TBL1XR1: variants seen among roughly 807,000 people sequenced by gnomAD.
TBL1XR1 encodes F-box-like/WD repeat-containing protein TBL1XR1.
TBL1XR1 carries 5 observed loss-of-function variants against 66.9 expected under a neutral mutation model. The observed-to-expected ratio is 0.07, with a 90% CI of 0.04 to 0.16. The LOEUF (loss-of-function observed/expected upper bound fraction) is 0.16. Among genes scored for constraint, TBL1XR1 ranks in the 10% least tolerant of loss-of-function variants. The pLI, the probability that TBL1XR1 is intolerant of heterozygous loss-of-function variation, is 1.00. For synonymous variants in TBL1XR1, 210 were observed against 206.0 expected (o/e 1.02, Z -0.17); for missense variants, 238 against 623.2 (o/e 0.38, Z 6.58).
At chr3:177,107,844 C>T (rs1056459297) in intron 1 of TBL1XR1, among the ~76,000 whole-genome samples, 1 of 152,200 alleles carries the variant, frequency 6.6e-6, no homozygotes, top group Non-Finnish European at 1.5e-5. Context: ...CATCTTACTT[C>T]TCAGTCATTG....
chr3:177,034,605 G>A (rs1714505314), intron 12 of TBL1XR1, among the ~76,000 whole-genome samples: 1 of 151,924 alleles, frequency 6.6e-6, no homozygotes, highest in South Asian at 2.1e-4. Context: ...ATTAGTTAAC[G>A]ATCCTAAAAT....
In TBL1XR1 at chr3:177,038,130, A is replaced by G. The variant is rs2108436409; in HGVS notation, c.1090T>C (p.Leu364=). The change falls in exon 12 of 16, where the codon TTG becomes CTG. Residue 364 remains leucine, a synonymous_variant. Transcript: ENST00000457928. ...AIKWDPTGNL[L]ASCSDDMTLK... is the part of the protein sequence containing the mutation. ...GTCATGTCGTCAGAACAGGAGGCCA[A>G]GAGATTGCCAGTTGGGTCCCATTTG... 11 of 1,612,670 alleles carry G rather than the reference A, an allele frequency of 6.8e-6. No homozygotes were observed. In the Admixed American group the frequency reaches 1.0e-4, roughly 15 times the overall value.
Position 177,098,479 on chromosome 3 carries a change from T to G in TBL1XR1, c.-59A>C. On this transcript the variant is annotated 5_prime_UTR_variant, in exon 2 of 16. An upstream start codon of the reference 5' UTR is lost. Coordinates refer to ENST00000457928, the MANE Select transcript of TBL1XR1 (RefSeq NM_024665.7). ...GGAGAGTCTTACCATTGGCAGTGCA[T>G]TGATGTGGGGATGTGCAACTGAATA... is the stretch of plus-strand genomic sequence containing the variant. 1 of 985,834 alleles carries G rather than the reference T, an allele frequency of 1.0e-6. No individual in the cohort carries two copies. The highest frequency in any genetic ancestry group is 1.2e-6 in the Non-Finnish European group (1 of 829,904). The allele number at this position is 985,834 out of a possible 1,614,324, so 61.1% of individuals were successfully genotyped here. A position where few individuals can be genotyped will look rare whatever the true frequency, so the allele number is the denominator to read the frequency against.
rs147359521 is a variant in TBL1XR1 at position 177,150,562 on chromosome 3, C to G, written c.-122+46559G>C. Among the ~76,000 whole-genome samples, 1,390 of 152,338 alleles carry G rather than the reference C, an allele frequency of 9.1e-3. 27 individuals carry two copies. Among genetic ancestry groups the G allele is most frequent in the Non-Finnish European group, 0.01 (700 of 68,032 alleles). On this transcript the variant is annotated intron_variant, in intron 1 of 15. Coordinates refer to ENST00000457928, the MANE Select transcript of TBL1XR1 (RefSeq NM_024665.7). ...AGGAAAACAAAACAAAATACGATGT[C>G]TCTTTGAAGTCCTCAGATTCAGGTA...
chr3:177,095,498 T>A (rs1042103115), intron 2 of TBL1XR1, among the ~76,000 whole-genome samples: 2 of 151,878 alleles, frequency 1.3e-5, no homozygotes, highest in African/African-American at 2.4e-5. Context: ...CAATTAGATT[T>A]TTTTTTTTTT....
intron 1 of TBL1XR1, among the ~76,000 whole-genome samples, chr3:177,173,079 C>A (rs1405852546): frequency 9.9e-5 from 15 of 152,210 alleles, no homozygotes; most frequent in Non-Finnish European, 5.9e-5. Flanking sequence ...CCCAGCTACT[C>A]CGCAGTCTGA....
chr3:177,028,336 A>G (rs1713450602), intron 14 of TBL1XR1, among the ~76,000 whole-genome samples: 1 of 152,254 alleles, frequency 6.6e-6, no homozygotes, highest in Admixed American at 6.5e-5. Context: ...TGAAAACAAA[A>G]TAATATGAAC....
At chr3:177,036,067 CTAGTT>C (rs1714740042) in intron 12 of TBL1XR1, among the ~76,000 whole-genome samples, 1 of 152,184 alleles carries the variant, frequency 6.6e-6, no homozygotes. Flanking sequence ...TCCTTTATTA[CTAGTT>C]TAATTTGTTT....
chr3:177,095,752 G>A (rs533325646), intron 2 of TBL1XR1, among the ~76,000 whole-genome samples: 8 of 152,168 alleles, frequency 5.3e-5, no homozygotes, highest in African/African-American at 1.2e-4. Flanking sequence ...CAAAGTGCTG[G>A]GATTATAGGC....
chr3:177,054,680 G>T (rs757173640), intron 3 of TBL1XR1, among the ~76,000 whole-genome samples: 1 of 151,942 alleles, frequency 6.6e-6, no homozygotes, highest in African/African-American at 2.4e-5. Context: ...AAATCATAAC[G>T]GTTAAATCTC....
intron 1 of TBL1XR1, among the ~76,000 whole-genome samples, chr3:177,102,215 A>G (rs570322306): frequency 6.6e-6 from 1 of 152,300 alleles, no homozygotes; most frequent in East Asian, 1.9e-4. Flanking sequence ...TTTTCCTATT[A>G]ATACTACAAG....
chr3:177,046,088 G>A, intron 10 of TBL1XR1, 41 bp downstream of exon 10: 1 of 1,451,270 alleles, frequency 6.9e-7, no homozygotes, highest in East Asian at 2.5e-5. Context: ...TAGAAAAACA[G>A]AAGCAAGCTC....
intron 12 of TBL1XR1, chr3:177,037,510 G>T (rs1360907171): frequency 1.2e-5 from 1 of 86,478 alleles, no homozygotes; most frequent in Non-Finnish European, 2.4e-5. Flanking sequence ...AATGGGCGGC[G>T]GGGGGGGCAT....
intron 10 of TBL1XR1, among the ~76,000 whole-genome samples, chr3:177,045,483 T>C (rs770935610): frequency 1.3e-5 from 2 of 152,118 alleles, no homozygotes; most frequent in Non-Finnish European, 2.9e-5. Context: ...CTGTATATCA[T>C]GAAGGACGGA....
Position 177,128,758 on chromosome 3 carries a change from A to C in TBL1XR1, c.-121-30217T>G, listed in dbSNP as rs1428312622. ...AAATTTCTTGGGGCATTTTCACACA[A>C]CTCTCTAAAGCTTCTAACATTTTAT... On this transcript the variant is annotated intron_variant, in intron 1 of 15. Coordinates refer to ENST00000457928, the MANE Select transcript of TBL1XR1 (RefSeq NM_024665.7). Among the ~76,000 whole-genome samples the C allele has an allele frequency of 5.9e-5, 9 of 152,048 alleles. No homozygotes were observed. The East Asian group carries it at 1.2e-3, about 20-fold the overall frequency.
chr3:177,058,075 AAGAAAATGGACT>A (rs1049237536), intron 3 of TBL1XR1, among the ~76,000 whole-genome samples: 1 of 152,294 alleles, frequency 6.6e-6, no homozygotes, highest in African/African-American at 2.4e-5. Context: ...ATACAAGAAT[AAGAAAATGGACT>A]CTGAACACCA....
In TBL1XR1 at chr3:177,112,090, TATATATATATATA is replaced by T. The variant is rs1560188431; in HGVS notation, c.-121-13562_-121-13550del. ...ATAAAATCAAATATATATATATATATATATATATATATATATATTTTTTTTTTTTTTTTTTGTG... is the reference window on the plus strand; with the variant it reads ...ATAAAATCAAATATATATATATATATTATATTTTTTTTTTTTTTTTTTGTG... On this transcript the variant is annotated intron_variant, in intron 1 of 15. Transcript: ENST00000457928. 6.3e-4 allele frequency among the ~76,000 whole-genome samples: 33 copies of T among 52,384 alleles called. 1 individual carries two copies. The highest frequency in any genetic ancestry group is 1.7e-3 in the South Asian group (3 of 1,762). 34.4% of individuals were successfully genotyped at this position (52,384 alleles called of 152,430 possible). A position where few individuals can be genotyped will look rare whatever the true frequency, so the allele number is the denominator to read the frequency against.
At chr3:177,063,425 C>A (rs1718764018) in intron 3 of TBL1XR1, among the ~76,000 whole-genome samples, 3 of 152,212 alleles carry the variant, frequency 2.0e-5, no homozygotes, top group Admixed American at 2.0e-4. Context: ...TTCCCATCTA[C>A]TGATCCTTCA....
intron 10 of TBL1XR1, 106 bp from the exon 11 acceptor site, chr3:177,038,540 T>C (rs1715128860): frequency 9.1e-7 from 1 of 1,096,994 alleles, no homozygotes; most frequent in Non-Finnish European, 1.2e-6. Flanking sequence ...AACAGGCACT[T>C]AAACATTTTA....
Sources: allele counts gnomAD v4.1 joint callset (sites outside exome capture counted in the v4.1 genomes callset), GRCh38; gene constraint gnomAD v4.1.1; transcripts MANE v1.5; gene names NCBI Gene and HGNC (gene_info 2026-07-23, HGNC 2026-07-21).